Variants in ZNF318 observed in about 807,000 individuals in gnomAD.
ZNF318 encodes zinc finger protein 318, also known as endocrine regulator.
Under a neutral mutation model 124.2 loss-of-function variants are expected in ZNF318, and 51 were observed. The observed-to-expected ratio is 0.41, with a 90% CI of 0.33 to 0.52. The LOEUF (loss-of-function observed/expected upper bound fraction) is 0.52, where lower values mean the gene tolerates loss of function less well. Ranked by LOEUF, ZNF318 falls within the 20% of genes least tolerant of loss-of-function variation. ZNF318 has a pLI of 0.23. For missense variants in ZNF318, 2,815 were observed against 2,811.2 expected (o/e 1.00, Z -0.03); for synonymous variants, 1,090 against 1,040.7 (o/e 1.05, Z -0.91).
Position 43,357,327 on chromosome 6 carries a change from C to G in ZNF318, c.987G>C (p.Glu329Asp). ...DLARRKREEE[E>D]ERSRSLSQEL... ...CCTGACTCAAGCTCCTACTTCGCTC[C>G]TCCTCTTCCTCTCGCTTTCGTCTGG... The change falls in exon 3 of 10, where the codon GAG becomes GAC. Residue 329 changes from glutamate (E) to aspartate (D), a missense_variant. Physicochemically the swap from Glu to Asp is conservative, Grantham distance 45. Around this residue, in one of 4 missense-constraint regions of ZNF318, gnomAD observed 1,377 missense variants for 1,353.5 expected, o/e 1.02. Transcript: ENST00000361428. 2 of 1,614,202 alleles carry G rather than the reference C, an allele frequency of 1.2e-6. No individual in the cohort carries two copies. The highest frequency in any genetic ancestry group is 1.7e-6 in the Non-Finnish European group (2 of 1,180,032).
chr6:43,367,379 A>AAATGATTTTT (rs1779776041), intron 1 of ZNF318, among the ~76,000 whole-genome samples: 3 of 152,238 alleles, frequency 2.0e-5, no homozygotes, highest in Non-Finnish European at 4.4e-5. Flanking sequence ...GAGGGCTTAA[A>AAATGATTTTT]AATCAATTTG....
In ZNF318 at chr6:43,342,862, A is replaced by G; in HGVS notation, c.3090T>C (p.Asn1030=). The change falls in exon 7 of 10, where the codon AAT becomes AAC. Residue 1030 remains asparagine, a synonymous_variant. Transcript: ENST00000361428. The part of the protein sequence containing the change: ...SSSNKESKVN[N]EKFRTKSPKP... Reference sequence around the variant, plus strand: ...TGGGGCTCTTAGTACGAAACTTCTCATTGTTTACTTTTGATTCCTAGAGGG... The same window carrying G: ...TGGGGCTCTTAGTACGAAACTTCTCGTTGTTTACTTTTGATTCCTAGAGGG... 5 of 1,612,008 alleles carry G rather than the reference A, an allele frequency of 3.1e-6. No homozygotes were observed. Among genetic ancestry groups the G allele is most frequent in the Non-Finnish European group, 4.2e-6 (5 of 1,178,400 alleles).
chr6:43,342,204 T>C lies in ZNF318; in HGVS notation c.3284A>G (p.Asp1095Gly). ...TGAAGCCCAAGGTCTGTTGTAGGGA[T>C]CCAGTGTCTATTTGTAAGAGGCAGA... ...MHNKKHTQTLDPYNRPWASKT... is the reference protein window; with the variant it reads ...MHNKKHTQTLGPYNRPWASKT... The change falls in exon 8 of 10, where the codon GAT becomes GGT. Residue 1095 changes from aspartate (D) to glycine (G), a missense_variant. Transcript: ENST00000361428. 1 of 1,611,502 alleles carries C rather than the reference T, an allele frequency of 6.2e-7. No individual in the cohort carries two copies. Among genetic ancestry groups the C allele is most frequent in the Non-Finnish European group, 8.5e-7 (1 of 1,178,920 alleles).
intron 4 of ZNF318, among the ~76,000 whole-genome samples, chr6:43,352,719 G>A (rs1184500053): frequency 6.6e-6 from 1 of 152,136 alleles, no homozygotes; most frequent in East Asian, 1.9e-4. Context: ...AAGGATCTAG[G>A]GCACTGATAG....
chr6:43,353,334 C>G (rs561569040), intron 4 of ZNF318, among the ~76,000 whole-genome samples: 1 of 150,208 alleles, frequency 6.7e-6, no homozygotes, highest in Non-Finnish European at 1.5e-5. Context: ...ACTTTTTAAC[C>G]GGAAAAAAAT....
At chr6:43,363,296 T>TC (rs1779709007) in intron 2 of ZNF318, among the ~76,000 whole-genome samples, 1 of 152,036 alleles carries the variant, frequency 6.6e-6, no homozygotes, top group African/African-American at 2.4e-5. Flanking sequence ...CTCAATAATT[T>TC]CCCCAAACAG....
At chr6:43,368,571 C>T in intron 1 of ZNF318, 3 of 788,934 alleles carry the variant, frequency 3.8e-6, no homozygotes, top group Non-Finnish European at 4.6e-6. Flanking sequence ...GGCTTTTTCC[C>T]CTAAGATCCA....
chr6:43,364,998 G>A (rs891138384), intron 2 of ZNF318, among the ~76,000 whole-genome samples: 6 of 152,154 alleles, frequency 3.9e-5, no homozygotes, highest in Non-Finnish European at 7.4e-5. Flanking sequence ...CATCTCAACT[G>A]TTCTTCATTT....
In ZNF318 at chr6:43,352,242, CT is replaced by C. The variant is rs781144975; in HGVS notation, c.2770+134del. 310 of 672,268 alleles carry C rather than the reference CT, an allele frequency of 4.6e-4. 3 individuals carry two copies. Among genetic ancestry groups the C allele is most frequent in the Admixed American group, 8.2e-4 (29 of 35,390 alleles). The allele number at this position is 672,268 out of a possible 1,614,324, so 41.6% of individuals were successfully genotyped here. ...AGAATTCTTTGCACTATTATTGCAACTTTTTTGTAAGTTTAATTACGTCAAA... is the reference window on the plus strand; with the variant it reads ...AGAATTCTTTGCACTATTATTGCAACTTTTTGTAAGTTTAATTACGTCAAA... On this transcript the variant is annotated intron_variant, in intron 5 of 9. Transcript: ENST00000361428.
intron 2 of ZNF318, among the ~76,000 whole-genome samples, chr6:43,358,466 G>A (rs917037387): frequency 7.9e-6 from 1 of 127,386 alleles, no homozygotes; most frequent in Non-Finnish European, 1.6e-5. Context: ...GTTTCACCAT[G>A]TTAGCCAGGA....
chr6:43,367,931 G>A (rs200815636), intron 1 of ZNF318, among the ~76,000 whole-genome samples: 1 of 152,140 alleles, frequency 6.6e-6, no homozygotes, highest in East Asian at 1.9e-4. Context: ...AGGCTGAGGC[G>A]GGAGGATTGA....
chr6:43,355,557 G>A lies in ZNF318; in HGVS notation c.1777C>T (p.His593Tyr). 6.2e-7 allele frequency: 1 copy of A among 1,614,186 alleles called. No individual in the cohort carries two copies. Among genetic ancestry groups the A allele is most frequent in the Non-Finnish European group, 8.5e-7 (1 of 1,180,044 alleles). Residue 593 changes from histidine to tyrosine, a missense_variant, in exon 4 of 10, where the codon CAT (histidine) becomes TAT (tyrosine). This residue lies in a region of ZNF318 where 1,377 missense variants were observed against 1,353.5 expected (regional missense o/e 1.02). Coordinates refer to ENST00000361428, the MANE Select transcript of ZNF318 (RefSeq NM_014345.3). The part of the protein sequence containing the change: ...EETNPEYAKI[H>Y]DLLKTIGLDI... ...AGCCCTATTGTCTTGAGCAAGTCAT[G>A]GATCTTCGCATATTCTGGATTGGTC...
chr6:43,354,554 C>T (rs1312213275), intron 4 of ZNF318, 110 bp downstream of exon 4: 34 of 964,690 alleles, frequency 3.5e-5, no homozygotes, highest in South Asian at 1.6e-4. Context: ...AGCCTCCAGA[C>T]GACTTCAAGT....
At chr6:43,365,145 A>G in intron 2 of ZNF318, 147 bp downstream of exon 2, 3 of 760,512 alleles carry the variant, frequency 3.9e-6, no homozygotes, top group Non-Finnish European at 6.1e-6. Flanking sequence ...TAGAAATTCT[A>G]TCCCAGCGTT....
rs143646133 is a variant in ZNF318 at position 43,341,567 on chromosome 6, G to A, written c.3376+545C>T. Among the ~76,000 whole-genome samples the A allele has an allele frequency of 6.0e-4, 91 of 151,960 alleles. 1 individual carries two copies. The highest frequency in any genetic ancestry group is 2.1e-3 in the African/African-American group (87 of 41,444). ...TGGGAGGCTGAGGCAGGAGAATGGGGTGAACCCGGGAGGCGGGGCTTGCAG... is the reference window on the plus strand; with the variant it reads ...TGGGAGGCTGAGGCAGGAGAATGGGATGAACCCGGGAGGCGGGGCTTGCAG... On this transcript the variant is annotated intron_variant, in intron 8 of 9. Coordinates refer to ENST00000361428, the MANE Select transcript of ZNF318 (RefSeq NM_014345.3).
At chr6:43,354,042 A>T (rs1272549286) in intron 4 of ZNF318, among the ~76,000 whole-genome samples, 1 of 152,118 alleles carries the variant, frequency 6.6e-6, no homozygotes, top group Non-Finnish European at 1.5e-5. Flanking sequence ...GTTCAAGATC[A>T]GCCTGGGCAA....
At chr6:43,361,481 C>T (rs1264910724) in intron 2 of ZNF318, among the ~76,000 whole-genome samples, 1 of 152,220 alleles carries the variant, frequency 6.6e-6, no homozygotes, top group African/African-American at 2.4e-5. Flanking sequence ...GGGAGGACCA[C>T]TTGAGCCCAG....
intron 2 of ZNF318, among the ~76,000 whole-genome samples, chr6:43,364,476 C>A (rs199777363): frequency 2.0e-5 from 3 of 152,170 alleles, no homozygotes; most frequent in Non-Finnish European, 4.4e-5. Context: ...CTGTGCAACA[C>A]GGCAAGCGAC....
intron 5 of ZNF318, among the ~76,000 whole-genome samples, chr6:43,348,869 C>T (rs1332830648): frequency 6.6e-6 from 1 of 152,058 alleles, no homozygotes; most frequent in Non-Finnish European, 1.5e-5. Context: ...CCCGTCTCTA[C>T]TAAAAATACA....
Sources: allele counts gnomAD v4.1 joint callset (sites outside exome capture counted in the v4.1 genomes callset), GRCh38; gene constraint gnomAD v4.1.1; regional missense constraint gnomAD v4.1.1; transcripts MANE v1.5; gene names NCBI Gene and HGNC (gene_info 2026-07-23, HGNC 2026-07-21).